POLA1: variants seen among roughly 807,000 people sequenced by gnomAD.
POLA1 encodes DNA polymerase alpha 1, catalytic subunit.
POLA1 carries 15 observed loss-of-function variants against 124.0 expected under a neutral mutation model. The observed-to-expected ratio is 0.12, with a 90% CI of 0.08 to 0.19. The LOEUF (loss-of-function observed/expected upper bound fraction) is 0.19, where lower values mean the gene tolerates loss of function less well. Among genes scored for constraint, POLA1 ranks in the 10% least tolerant of loss-of-function variants. POLA1 has a pLI of 1.00. For synonymous variants in POLA1, 408 were observed against 389.4 expected, an observed-to-expected ratio of 1.05 and a Z score of -0.56; for missense variants, 886 against 1,103.4, an observed-to-expected ratio of 0.80 and a Z score of 2.79.
intron 34 of POLA1, among the ~76,000 whole-genome samples, chrX:24,853,624 T>G (rs1036632497): frequency 1.8e-5 from 2 of 112,471 alleles, no homozygotes; most frequent in Non-Finnish European, 1.9e-5. Context: ...TGGATACAAA[T>G]GTTCCAGTGA....
intron 36 of POLA1, among the ~76,000 whole-genome samples, chrX:24,992,819 A>G (rs779189044): frequency 8.9e-6 from 1 of 112,801 alleles, no homozygotes; most frequent in Admixed American, 9.3e-5. Flanking sequence ...CTTTTATATA[A>G]AATATTTAAG....
At chrX:24,756,153 G>A (rs1932588656) in intron 26 of POLA1, among the ~76,000 whole-genome samples, 1 of 112,044 alleles carries the variant, frequency 8.9e-6, no homozygotes, top group Non-Finnish European at 1.9e-5. Context: ...CTAAAAGATA[G>A]TCATGAAAGA....
rs1454174399 is a variant in POLA1 at position 24,841,225 on chromosome X, C to G, written c.3737-427C>G. On this transcript the variant is annotated intron_variant, in intron 32 of 36. Coordinates refer to ENST00000379068, the MANE Select transcript of POLA1 (RefSeq NM_001330360.2). ...ATGAAATCGACTACTGCATTGAAAT[C>G]AGGGTTAGCTGTGTCTGCACTTGAA... Among the ~76,000 whole-genome samples the G allele has an allele frequency of 5.3e-5, 6 of 112,185 alleles. No homozygotes were observed. In the Admixed American group the frequency reaches 5.7e-4, roughly 11 times the overall value.
intron 26 of POLA1, among the ~76,000 whole-genome samples, chrX:24,772,107 A>T (rs940196588): frequency 1.8e-4 from 20 of 111,637 alleles, no homozygotes; most frequent in African/African-American, 5.8e-4. Context: ...TATAAACTAA[A>T]TTTTTATGAT....
intron 34 of POLA1, among the ~76,000 whole-genome samples, chrX:24,854,901 A>G (rs1276969392): frequency 9.0e-6 from 1 of 111,695 alleles, no homozygotes; most frequent in East Asian, 2.8e-4. Context: ...TAGTAAAAAA[A>G]ATTGGATATA....
At chrX:24,749,107 C>G (rs1468819485) in intron 26 of POLA1, 115 bp downstream of exon 26, 2 of 529,173 alleles carry the variant, frequency 3.8e-6, no homozygotes. Flanking sequence ...AATACAGTAC[C>G]CCTCTCTTTG....
intron 36 of POLA1, among the ~76,000 whole-genome samples, chrX:24,951,262 G>GTGAT (rs2048036432): frequency 1.1e-5 from 1 of 92,775 alleles, no homozygotes; most frequent in Non-Finnish European, 2.1e-5. Flanking sequence ...AGAAATCCTG[G>GTGAT]TGATTAGGAG....
chrX:24,817,635 A>C (rs2046013705), intron 30 of POLA1, among the ~76,000 whole-genome samples: 1 of 109,685 alleles, frequency 9.1e-6, no homozygotes, highest in African/African-American at 3.3e-5. Flanking sequence ...AAGAAAAGAA[A>C]AATGTATTTA....
rs76747593 is a variant in POLA1, at chrX:24,996,292, T to G, written c.*342T>G. The G allele has an allele frequency of 1.6e-3, 246 of 157,537 alleles. 2 individuals carry two copies. The East Asian group carries it at 0.036, about 23-fold the overall frequency. 13.0% of individuals were successfully genotyped at this position (157,537 alleles called of 1,213,427 possible). On this transcript the variant is annotated 3_prime_UTR_variant, in exon 37 of 37. Transcript: ENST00000379068. ...AGCTGGAATGTAAGTGACCCCAGGC[T>G]TTGCCTCAGGGCCTTTAGCCTATGT... is the stretch of plus-strand genomic sequence containing the variant.
chrX:24,754,251 C>CT (rs750683205), intron 26 of POLA1, among the ~76,000 whole-genome samples: 400 of 99,317 alleles, frequency 4.0e-3, no homozygotes, highest in Middle Eastern at 0.015. Flanking sequence ...TTCTTTCTTT[C>CT]TTTTTTTTTT....
intron 34 of POLA1, among the ~76,000 whole-genome samples, chrX:24,855,767 G>A (rs1247039178): frequency 9.0e-6 from 1 of 111,098 alleles, no homozygotes; most frequent in Non-Finnish European, 1.9e-5. Context: ...AGGGGTGGGG[G>A]GCAGTGTTCC....
intron 36 of POLA1, among the ~76,000 whole-genome samples, chrX:24,990,671 T>G (rs2048524747): frequency 8.9e-6 from 1 of 112,566 alleles, no homozygotes; most frequent in Non-Finnish European, 1.9e-5. Context: ...ACATGCTTGT[T>G]ATTGTATTTA....
intron 34 of POLA1, among the ~76,000 whole-genome samples, chrX:24,856,356 A>G (rs918508017): frequency 8.9e-6 from 1 of 112,128 alleles, no homozygotes; most frequent in East Asian, 2.8e-4. Flanking sequence ...AATGTATTCT[A>G]TCATATGGAT....
At chrX:24,954,517 CT>C (rs2147251712) in intron 36 of POLA1, among the ~76,000 whole-genome samples, 1 of 112,460 alleles carries the variant, frequency 8.9e-6, no homozygotes, top group South Asian at 3.7e-4. Flanking sequence ...TACATTCACA[CT>C]TTACAGTGAA....
intron 34 of POLA1, among the ~76,000 whole-genome samples, chrX:24,856,027 T>C (rs1177707889): frequency 8.9e-6 from 1 of 112,352 alleles, no homozygotes; most frequent in East Asian, 2.8e-4. Context: ...TATTCAAATA[T>C]GCATCCATTT....
intron 19 of POLA1, 105 bp from the exon 20 acceptor site, chrX:24,739,270 A>C: frequency 1.9e-6 from 1 of 532,311 alleles, no homozygotes. Context: ...GTATGGAAGA[A>C]TGAGAGTTTT....
intron 26 of POLA1, among the ~76,000 whole-genome samples, chrX:24,788,099 T>A (rs1198529921): frequency 8.9e-6 from 1 of 112,162 alleles, no homozygotes; most frequent in Non-Finnish European, 1.9e-5. Flanking sequence ...ATTAACAGAA[T>A]GAAAGATAAA....
chrX:24,704,436 C>T lies in POLA1; in HGVS notation c.313C>T (p.Leu105Phe), dbSNP rs755442296. ...TGGCCGAGAGATTTTTGATGATGAC[C>T]TTGAAGATGATGCCCTTGATGCTGA... ...EDGREIFDDD[L>F]EDDALDADEK... Residue 105 changes from leucine (L) to phenylalanine (F), a missense_variant, in exon 4 of 37, where the codon CTT (leucine) becomes TTT (phenylalanine). Leu to Phe is a conservative substitution (Grantham distance 22, BLOSUM62 0). Coordinates refer to ENST00000379068, the MANE Select transcript of POLA1 (RefSeq NM_001330360.2). 2.5e-6 allele frequency: 3 copies of T among 1,199,197 alleles called. No individual in the cohort carries two copies. The highest frequency in any genetic ancestry group is 5.9e-5 in the East Asian group (2 of 33,731).
At chrX:24,826,321 T>C in intron 31 of POLA1, 106 bp from the exon 32 acceptor site, 1 of 509,376 alleles carries the variant, frequency 2.0e-6, no homozygotes, top group Non-Finnish European at 3.1e-6. Context: ...ACATAAAATT[T>C]AAATTGTTGC....
Sources: allele counts gnomAD v4.1 joint callset (sites outside exome capture counted in the v4.1 genomes callset), GRCh38; gene constraint gnomAD v4.1.1; transcripts MANE v1.5; gene names NCBI Gene and HGNC (gene_info 2026-07-23, HGNC 2026-07-21).